TDP1: variants seen among roughly 807,000 people sequenced by gnomAD.
The protein encoded by TDP1 is tyr-DNA phosphodiesterase 1.
Under a neutral mutation model 81.5 loss-of-function variants are expected in TDP1, and 64 were observed. The observed-to-expected ratio is 0.79, with a 90% CI of 0.64 to 0.97. The LOEUF is 0.97. Among genes scored for constraint, TDP1 ranks in the 50% least tolerant of loss-of-function variants. The pLI is 0.00. For synonymous variants in TDP1, 256 were observed against 264.3 expected, an observed-to-expected ratio of 0.97 and a Z score of 0.30; for missense variants, 723 against 743.8, an observed-to-expected ratio of 0.97 and a Z score of 0.33.
chr14:89,975,703 T>C, intron 6 of TDP1, 78 bp from the exon 7 acceptor site: 1 of 1,323,826 alleles, frequency 7.6e-7, no homozygotes, highest in Admixed American at 1.7e-5. Context: ...GTTGACCTGA[T>C]TGCTTTCTAA....
intron 3 of TDP1, chr14:89,965,741 A>G (rs1892868596): frequency 2.0e-6 from 2 of 984,030 alleles, no homozygotes; most frequent in Non-Finnish European, 2.4e-6. Context: ...AACTGTCCAC[A>G]TTTATAAAAT....
intron 14 of TDP1, among the ~76,000 whole-genome samples, chr14:90,001,573 G>T (rs1393230227): frequency 6.6e-6 from 1 of 152,190 alleles, no homozygotes; most frequent in African/African-American, 2.4e-5. Context: ...TGGCAGATTG[G>T]CTAATATAGT....
chr14:90,001,893 G>A lies in TDP1; in HGVS notation c.1541+8410G>A, dbSNP rs73328406. Among the ~76,000 whole-genome samples the A allele has an allele frequency of 6.0e-3, 906 of 151,710 alleles. 6 individuals carry two copies. Among genetic ancestry groups the A allele is most frequent in the African/African-American group, 0.021 (865 of 41,352 alleles). On this transcript the variant is annotated intron_variant, in intron 14 of 16. Transcript: ENST00000335725. The stretch of plus-strand genomic sequence containing the variant: ...GAATATCTTCTCACTGCTTCTGTAG[G>A]CATCGACCTGGTTGCTTCTTTATGG...
intron 16 of TDP1, among the ~76,000 whole-genome samples, chr14:90,042,419 G>A (rs1467795772): frequency 4.6e-5 from 7 of 152,186 alleles, no homozygotes; most frequent in African/African-American, 1.7e-4. Flanking sequence ...CTGGGGTTCT[G>A]GTTAAAGTGA....
intron 13 of TDP1, among the ~76,000 whole-genome samples, chr14:89,992,185 T>G (rs576055367): frequency 6.6e-6 from 1 of 152,324 alleles, no homozygotes; most frequent in African/African-American, 2.4e-5. Context: ...AGAGGAAAAT[T>G]TATTGCTGTG....
intron 14 of TDP1, among the ~76,000 whole-genome samples, chr14:90,003,159 A>T (rs1897328958): frequency 6.6e-6 from 1 of 152,116 alleles, no homozygotes; most frequent in East Asian, 1.9e-4. Flanking sequence ...GCTGGTCTCG[A>T]ACTCCTGACC....
intron 7 of TDP1, among the ~76,000 whole-genome samples, chr14:89,976,359 C>G (rs1467169712): frequency 6.6e-6 from 1 of 152,060 alleles, no homozygotes; most frequent in Non-Finnish European, 1.5e-5. Flanking sequence ...CTTAGCCTCT[C>G]AAAGTGCTGG....
intron 14 of TDP1, among the ~76,000 whole-genome samples, chr14:89,997,667 A>G (rs879580446): frequency 3.3e-5 from 5 of 152,212 alleles, no homozygotes; most frequent in Admixed American, 6.5e-5. Context: ...CATACAAGAA[A>G]TACATATCAG....
At position 89,975,771 on chromosome 14, in the gene TDP1, TTCA is replaced by T; in HGVS notation, c.757-7_757-5del. The T allele has an allele frequency of 6.2e-7, 1 of 1,611,048 alleles. No homozygotes were observed. Among genetic ancestry groups the T allele is most frequent in the Non-Finnish European group, 8.5e-7 (1 of 1,177,222 alleles). On this transcript the variant is annotated splice_region_variant and splice_polypyrimidine_tract_variant and intron_variant, in intron 6 of 16. Coordinates refer to ENST00000335725, the MANE Select transcript of TDP1 (RefSeq NM_018319.4). ...TTGTTTTTAAATAAATGACTTCTTT[TTCA>T]TCCTAGGCAAAGTTGGATATTGCGT...
Position 89,963,569 on chromosome 14 carries a change from A to G in TDP1, c.455A>G (p.Gln152Arg), listed in dbSNP as rs368074652. The change falls in exon 3 of 17, where the codon CAG becomes CGG. Residue 152 changes from glutamine (Q) to arginine (R), a missense_variant. Coordinates refer to ENST00000335725, the MANE Select transcript of TDP1 (RefSeq NM_018319.4). ...EDEYETSGEG[Q>R]DIWDMLDKGN... is the part of the protein sequence containing the mutation. ...GAGTATGAGACATCAGGGGAGGGCC[A>G]GGACATTTGGGACATGCTGGATAAA... The G allele has an allele frequency of 2.3e-5, 37 of 1,613,464 alleles. No homozygotes were observed. The African/African-American group carries it at 4.8e-4, about 21-fold the overall frequency.
intron 15 of TDP1, among the ~76,000 whole-genome samples, chr14:90,026,322 C>T (rs982956551): frequency 3.9e-5 from 6 of 152,222 alleles, no homozygotes; most frequent in East Asian, 3.9e-4. Context: ...AGGCCACAGC[C>T]GGGCAACAAT....
At chr14:90,023,462 T>C (rs890751174) in intron 15 of TDP1, among the ~76,000 whole-genome samples, 7 of 152,148 alleles carry the variant, frequency 4.6e-5, no homozygotes, top group Non-Finnish European at 1.0e-4. Flanking sequence ...AAGGCATCAG[T>C]TTTTTAAGCA....
At chr14:90,000,524 A>G (rs191425161) in intron 14 of TDP1, among the ~76,000 whole-genome samples, 1 of 152,240 alleles carries the variant, frequency 6.6e-6, no homozygotes, top group East Asian at 1.9e-4. Flanking sequence ...AGCTGGGATT[A>G]CAGGCATGCG....
chr14:89,966,024 G>A (rs1892902491), intron 3 of TDP1, 123 bp from the exon 4 acceptor site: 2 of 989,034 alleles, frequency 2.0e-6, no homozygotes, highest in Middle Eastern at 3.0e-4. Context: ...TGTAGTAACT[G>A]TTTAGCTTAC....
At chr14:89,998,394 A>G (rs1219050645) in intron 14 of TDP1, among the ~76,000 whole-genome samples, 2 of 111,302 alleles carry the variant, frequency 1.8e-5, no homozygotes, top group African/African-American at 9.9e-5. Context: ...ATATATATAT[A>G]TATATATATA....
At chr14:90,026,010 G>T (rs1228709647) in intron 15 of TDP1, among the ~76,000 whole-genome samples, 1 of 152,210 alleles carries the variant, frequency 6.6e-6, no homozygotes, top group Non-Finnish European at 1.5e-5. Flanking sequence ...AGTAGCCCAG[G>T]TGTCCCTGTG....
intron 12 of TDP1, 94 bp from the exon 13 acceptor site, chr14:89,991,823 T>A (rs1250766273): frequency 1.5e-6 from 2 of 1,335,610 alleles, no homozygotes; most frequent in Non-Finnish European, 2.0e-6. Flanking sequence ...TTTTTTCCTG[T>A]TACCTTCTTG....
At chr14:89,983,495 G>C (rs1895226094) in intron 8 of TDP1, among the ~76,000 whole-genome samples, 1 of 152,240 alleles carries the variant, frequency 6.6e-6, no homozygotes, top group Non-Finnish European at 1.5e-5. Context: ...TCCTTCAGGG[G>C]CTGCCAGGTG....
In TDP1 at chr14:89,967,436, G is replaced by T. The variant is rs780668200; in HGVS notation, c.659+14G>T. 42 of 1,611,950 alleles carry T rather than the reference G, an allele frequency of 2.6e-5. No homozygotes were observed. In the East Asian group the frequency reaches 8.7e-4, roughly 33 times the overall value. ...ACCAGAGTTCAGGTGAGTTCCTCAGGGTGACAGACAACACTATAAACTGTA... is the reference window on the plus strand; with the variant it reads ...ACCAGAGTTCAGGTGAGTTCCTCAGTGTGACAGACAACACTATAAACTGTA... On this transcript the variant is annotated intron_variant, in intron 5 of 16. Transcript: ENST00000335725.
Sources: allele counts gnomAD v4.1 joint callset (sites outside exome capture counted in the v4.1 genomes callset), GRCh38; gene constraint gnomAD v4.1.1; transcripts MANE v1.5; gene names NCBI Gene and HGNC (gene_info 2026-07-23, HGNC 2026-07-21).